The following GSTZ1 variants were observed in gnomAD, a reference collection of about 807,000 sequenced individuals.
GSTZ1 encodes maleylacetoacetate isomerase.
In GSTZ1, 34 loss-of-function variants were observed where a neutral mutation model predicts 35.9. The ratio of observed to expected loss-of-function variants is 0.95; its 90% confidence interval spans 0.72 to 1.26. GSTZ1 has a LOEUF of 1.26. Among genes scored for constraint, GSTZ1 ranks in the 50% most tolerant of loss-of-function variants. GSTZ1 has a pLI of 0.00. For missense variants in GSTZ1, 263 were observed against 271.7 expected (o/e 0.97, Z 0.23); for synonymous variants, 93 against 101.2 (o/e 0.92, Z 0.49).
Position 77,321,412 on chromosome 14 carries a change from G to A in GSTZ1, c.15+229G>A, listed in dbSNP as rs1391523142. 3.3e-6 allele frequency: 5 copies of A among 1,529,134 alleles called. No individual in the cohort carries two copies. The South Asian group carries it at 6.0e-5, about 18-fold the overall frequency. 94.7% of individuals were successfully genotyped at this position (1,529,134 alleles called of 1,614,324 possible). A position where few individuals can be genotyped will look rare whatever the true frequency, so the allele number is the denominator to read the frequency against. ...CGGTCCTGGTAGGGAGTGCGTAGCA[G>A]GGTGGAGTCGCTGTCCGGTCGCGCT... On this transcript the variant is annotated intron_variant, in intron 1 of 8. Transcript: ENST00000216465.
At chr14:77,329,357 G>A (rs1426717944) in intron 6 of GSTZ1, 156 bp downstream of exon 6, 12 of 652,696 alleles carry the variant, frequency 1.8e-5, no homozygotes. Flanking sequence ...GGGCTGGGTG[G>A]GCATCCAGAC....
chr14:77,321,564 G>A, intron 1 of GSTZ1: 1 of 1,233,250 alleles, frequency 8.1e-7, no homozygotes, highest in Non-Finnish European at 1.0e-6. Context: ...CTAGCAGGAG[G>A]TGACCTTCCA....
At chr14:77,328,127 G>A in intron 5 of GSTZ1, 90 bp downstream of exon 5, 2 of 1,356,022 alleles carry the variant, frequency 1.5e-6, no homozygotes, top group Admixed American at 3.6e-5. Context: ...GGGGGCGGGG[G>A]TGTCAAGGGA....
chr14:77,327,637 G>A lies in GSTZ1; in HGVS notation c.216+85G>A, dbSNP rs2139575693. On this transcript the variant is annotated intron_variant, in intron 4 of 8. Transcript: ENST00000216465. ...GACATCTCTTCCTCGCCTGTGTACA[G>A]TCAAGGTGCCTAGCACATAGGAGAG... The A allele has an allele frequency of 6.4e-6, 6 of 937,736 alleles. No homozygotes were observed. The East Asian group carries it at 1.5e-4, about 24-fold the overall frequency. 58.1% of individuals were successfully genotyped at this position (937,736 alleles called of 1,614,324 possible). A position where few individuals can be genotyped will look rare whatever the true frequency, so the allele number is the denominator to read the frequency against.
At chr14:77,329,988 G>T in intron 7 of GSTZ1, 181 bp downstream of exon 7, 2 of 650,490 alleles carry the variant, frequency 3.1e-6, no homozygotes, top group South Asian at 3.4e-5. Flanking sequence ...TAGAAGACTG[G>T]CTGTGAGAGG....
chr14:77,324,904 C>T lies in GSTZ1; in HGVS notation c.50C>T (p.Ser17Leu), dbSNP rs752868250. The change falls in exon 2 of 9, where the codon TCA becomes TTA. Residue 17 changes from serine (S) to leucine (L), a missense_variant. Coordinates refer to ENST00000216465, the MANE Select transcript of GSTZ1 (RefSeq NM_145870.3). ...TATTCCTATTTCCGAAGCTCCTGCT[C>T]ATGGAGAGTTCGAATTGGTAAGAGA... Reference protein sequence around the residue: ...ILYSYFRSSCSWRVRIALALK... With the variant: ...ILYSYFRSSCLWRVRIALALK... 8 of 1,613,724 alleles carry T rather than the reference C, an allele frequency of 5.0e-6. No individual in the cohort carries two copies. The highest frequency in any genetic ancestry group is 5.9e-6 in the Non-Finnish European group (7 of 1,179,728).
intron 7 of GSTZ1, 72 bp downstream of exon 7, chr14:77,329,879 C>T: frequency 8.6e-7 from 1 of 1,162,646 alleles, no homozygotes; most frequent in Admixed American, 1.7e-5. Context: ...CCCTCAAGCT[C>T]AGAGCTTCCT....
chr14:77,326,991 C>T, intron 3 of GSTZ1, 86 bp downstream of exon 3: 1 of 903,900 alleles, frequency 1.1e-6, no homozygotes, highest in East Asian at 2.6e-5. Context: ...GGCTCTGCCC[C>T]AGAGAAGTGA....
intron 4 of GSTZ1, 73 bp from the exon 5 acceptor site, chr14:77,327,839 G>A (rs1892408902): frequency 6.8e-7 from 1 of 1,464,342 alleles, no homozygotes; most frequent in South Asian, 1.2e-5. Context: ...AGAAGGAGGA[G>A]TTTGCTGGCC....
chr14:77,328,000 T>C lies in GSTZ1; in HGVS notation c.305T>C (p.Ile102Thr). The stretch of plus-strand genomic sequence containing the variant: ...AAGAAGAGGGCCAGCGTGCGTATGA[T>C]TTCTGACCTCATCGCTGGTGGCATC... ...DPKKRASVRM[I>T]SDLIAGGIQP... is the part of the protein sequence containing the mutation. Residue 102 changes from isoleucine (I) to threonine (T), a missense_variant, in exon 5 of 9, where the codon ATT becomes ACT. Ile to Thr is a moderately conservative substitution (Grantham distance 89, BLOSUM62 -1). Coordinates refer to ENST00000216465, the MANE Select transcript of GSTZ1 (RefSeq NM_145870.3). 1.3e-5 allele frequency: 21 copies of C among 1,614,070 alleles called. No individual in the cohort carries two copies. Among genetic ancestry groups the C allele is most frequent in the Non-Finnish European group, 1.8e-5 (21 of 1,179,960 alleles).
Position 77,326,968 on chromosome 14 carries a change from G to A in GSTZ1, c.135+63G>A, listed in dbSNP as rs1892351266. ...GAGGCCTTGAACAGGCACCAGGCAG[G>A]GGAAAAAGGGGAGGCTCTGCCCCAG... On this transcript the variant is annotated intron_variant, in intron 3 of 8. Transcript: ENST00000216465. 6 of 1,079,848 alleles carry A rather than the reference G, an allele frequency of 5.6e-6. No individual in the cohort carries two copies. In the East Asian group the frequency reaches 1.3e-4, roughly 23 times the overall value. 66.9% of individuals were successfully genotyped at this position (1,079,848 alleles called of 1,614,324 possible).
At chr14:77,327,783 G>C (rs1892405074) in intron 4 of GSTZ1, 129 bp from the exon 5 acceptor site, 14 of 926,602 alleles carry the variant, frequency 1.5e-5, no homozygotes, top group Non-Finnish European at 2.2e-5. Flanking sequence ...GGCTTGAGCT[G>C]AGCAGAAGCA....
Position 77,331,339 on chromosome 14 carries a change from A to G in GSTZ1, c.*144A>G, listed in dbSNP as rs1892619025. 2 of 928,750 alleles carry G rather than the reference A, an allele frequency of 2.2e-6. No individual in the cohort carries two copies. The highest frequency in any genetic ancestry group is 2.9e-5 in the Admixed American group (1 of 35,008). 57.5% of individuals were successfully genotyped at this position (928,750 alleles called of 1,614,324 possible). A position where few individuals can be genotyped will look rare whatever the true frequency, so the allele number is the denominator to read the frequency against. Reference sequence around the variant, plus strand: ...CTGCCTTCCTGCTGAAACTTGTTCCACCTCAGTCCCCTCATCTGTCACACG... The same window carrying G: ...CTGCCTTCCTGCTGAAACTTGTTCCGCCTCAGTCCCCTCATCTGTCACACG... On this transcript the variant is annotated 3_prime_UTR_variant, in exon 9 of 9. Coordinates refer to ENST00000216465, the MANE Select transcript of GSTZ1 (RefSeq NM_145870.3).
In GSTZ1 at chr14:77,322,736, C is replaced by T. The variant is rs569322548; in HGVS notation, c.15+1553C>T. 3.0e-6 allele frequency: 3 copies of T among 984,712 alleles called. No individual in the cohort carries two copies. The African/African-American group carries it at 5.2e-5, about 17-fold the overall frequency. 61.0% of individuals were successfully genotyped at this position (984,712 alleles called of 1,614,324 possible). A position where few individuals can be genotyped will look rare whatever the true frequency, so the allele number is the denominator to read the frequency against. ...ATCTTTACTTTCTCCACAAAAGGTA[C>T]CTTCAGGACAGGCTGGGACTGCTGG... On this transcript the variant is annotated intron_variant, in intron 1 of 8. Transcript: ENST00000216465.
intron 1 of GSTZ1, chr14:77,321,408 A>C: frequency 4.6e-6 from 7 of 1,529,390 alleles, no homozygotes; most frequent in Non-Finnish European, 6.1e-6. Flanking sequence ...GGGAGTGCGT[A>C]GCAGGGTGGA....
At position 77,328,129 on chromosome 14, in the gene GSTZ1, G is replaced by A. The variant is rs1256370596; in HGVS notation, c.342+92G>A. ...AGCTGCCCAGTGTGGGGGCGGGGGT[G>A]TCAAGGGAGGGAGGGGGATTCTCAG... is the stretch of plus-strand genomic sequence containing the variant. On this transcript the variant is annotated intron_variant, in intron 5 of 8. Transcript: ENST00000216465. The A allele has an allele frequency of 1.8e-5, 23 of 1,291,664 alleles. No homozygotes were observed. The Admixed American group carries it at 3.9e-4, about 22-fold the overall frequency. The allele number at this position is 1,291,664 out of a possible 1,614,324, so 80.0% of individuals were successfully genotyped here. A position where few individuals can be genotyped will look rare whatever the true frequency, so the allele number is the denominator to read the frequency against.
intron 1 of GSTZ1, 103 bp from the exon 2 acceptor site, chr14:77,324,767 T>G: frequency 7.9e-7 from 1 of 1,259,418 alleles, no homozygotes; most frequent in Non-Finnish European, 1.2e-6. Flanking sequence ...GATGCAGGCC[T>G]GAGAGAGGAG....
At position 77,329,898 on chromosome 14, in the gene GSTZ1, G is replaced by T; in HGVS notation, c.474+91G>T. ...CAAGCTCAGAGCTTCCTGAGAAGGC[G>T]TCTGCAGGGGGATCTCTGTGCCATG... On this transcript the variant is annotated intron_variant, in intron 7 of 8. Coordinates refer to ENST00000216465, the MANE Select transcript of GSTZ1 (RefSeq NM_145870.3). The T allele has an allele frequency of 7.5e-6, 7 of 938,854 alleles. No individual in the cohort carries two copies. In the South Asian group the frequency reaches 9.2e-5, roughly 12 times the overall value. The allele number at this position is 938,854 out of a possible 1,614,324, so 58.2% of individuals were successfully genotyped here.
At chr14:77,322,632 G>A (rs1399208566) in intron 1 of GSTZ1, 1 of 984,874 alleles carries the variant, frequency 1.0e-6, no homozygotes, top group African/African-American at 1.7e-5. Flanking sequence ...TCCAAATAAG[G>A]AAGATCCAGT....
Sources: allele counts gnomAD v4.1 joint callset, GRCh38; gene constraint gnomAD v4.1.1; transcripts MANE v1.5; gene names NCBI Gene and HGNC (gene_info 2026-07-23, HGNC 2026-07-21).